The following FXR1 variants were observed in gnomAD, a reference collection of about 807,000 sequenced individuals.
FXR1 encodes RNA-binding protein FXR1.
A neutral mutation model predicts 84.0 loss-of-function variants in FXR1; 15 were observed. The observed-to-expected ratio is 0.18, with a 90% CI of 0.12 to 0.27. FXR1 has a LOEUF of 0.27. Among genes scored for constraint, FXR1 ranks in the 10% least tolerant of loss-of-function variants. The probability of loss-of-function intolerance (pLI) is 1.00; values close to 1 mark genes in which losing one functional copy is unlikely to be tolerated. For missense variants in FXR1, 480 were observed against 774.4 expected (o/e 0.62, Z 4.51); for synonymous variants, 245 against 250.7 (o/e 0.98, Z 0.21).
chr3:180,942,878 C>T (rs544805421), intron 3 of FXR1, among the ~76,000 whole-genome samples: 1 of 152,198 alleles, frequency 6.6e-6, no homozygotes, highest in South Asian at 2.1e-4. Flanking sequence ...TTAATGCTGG[C>T]TTATTGAAGT....
chr3:180,948,666 T>C, intron 5 of FXR1, 55 bp from the exon 6 acceptor site: 2 of 1,007,922 alleles, frequency 2.0e-6, no homozygotes, highest in Non-Finnish European at 3.1e-6. Context: ...ATTGTGACTC[T>C]CCTCTGACTT....
intron 1 of FXR1, among the ~76,000 whole-genome samples, chr3:180,917,804 A>G (rs1178214005): frequency 6.6e-6 from 1 of 151,870 alleles, no homozygotes; most frequent in African/African-American, 2.4e-5. Flanking sequence ...AAAATTAGCC[A>G]GGTGTGGTGG....
chr3:180,971,222 C>A, intron 15 of FXR1: 1 of 480,322 alleles, frequency 2.1e-6, no homozygotes, highest in Non-Finnish European at 3.4e-6. Flanking sequence ...TGTCTGCTTT[C>A]TAAATATATT....
At chr3:180,953,102 C>G (rs1722397666) in intron 8 of FXR1, among the ~76,000 whole-genome samples, 1 of 152,136 alleles carries the variant, frequency 6.6e-6, no homozygotes, top group Non-Finnish European at 1.5e-5. Flanking sequence ...ATTGGCCTCC[C>G]AAAGTGCAGG....
chr3:180,973,725 CTT>C (rs1399132554), intron 15 of FXR1, among the ~76,000 whole-genome samples: 1 of 152,126 alleles, frequency 6.6e-6, no homozygotes, highest in African/African-American at 2.4e-5. Flanking sequence ...TTTGAAACAT[CTT>C]TAGTGGTTTT....
In FXR1 at chr3:180,976,425, A is replaced by AG; in HGVS notation, c.*137dup. On this transcript the variant is annotated 3_prime_UTR_variant, in exon 17 of 17. Transcript: ENST00000357559. ...CAGTTCCTCCATTTGGAATTCAAAA[A>AG]GGGGAGGGATCCTGAAGAAATCATA... 1 of 588,212 alleles carries AG rather than the reference A, an allele frequency of 1.7e-6. No individual in the cohort carries two copies. Among genetic ancestry groups the AG allele is most frequent in the South Asian group, 2.7e-5 (1 of 37,130 alleles). The allele number at this position is 588,212 out of a possible 1,614,324, so 36.4% of individuals were successfully genotyped here. A position where few individuals can be genotyped will look rare whatever the true frequency, so the allele number is the denominator to read the frequency against.
chr3:180,951,314 C>A lies in FXR1; in HGVS notation c.647C>A (p.Ala216Glu). The change falls in exon 8 of 17, where the codon GCA becomes GAA. Residue 216 changes from alanine (A) to glutamate (E), a missense_variant. Ala to Glu is a moderately radical substitution (Grantham distance 107). Transcript: ENST00000357559. The stretch of plus-strand genomic sequence containing the variant: ...TTTTATTAGTGCACAAAACAACTTG[C>A]AGCAGCTTTTCATGAGGAATTTGTT... ...TKHLECTKQL[A>E]AAFHEEFVVR... is the part of the protein sequence containing the mutation. The A allele has an allele frequency of 6.2e-7, 1 of 1,602,372 alleles. No homozygotes were observed. The highest frequency in any genetic ancestry group is 8.5e-7 in the Non-Finnish European group (1 of 1,170,870).
In FXR1 at chr3:180,947,894, A is replaced by G. The variant is rs144304502; in HGVS notation, c.228A>G (p.Pro76=). 4 of 1,609,022 alleles carry G rather than the reference A, an allele frequency of 2.5e-6. No homozygotes were observed. The African/African-American group carries it at 4.0e-5, about 16-fold the overall frequency. ...EVYSRANDQE[P]CGWWLAKVRM... ...ATTCAAGAGCAAATGACCAAGAGCC[A>G]TGTGGGTGGTGGTTGGCTAAAGTTC... The change falls in exon 4 of 17, where the codon CCA becomes CCG. Residue 76 remains proline, a synonymous_variant. Transcript: ENST00000357559.
In FXR1 at chr3:180,977,773, T is replaced by C. The variant is rs546079536; in HGVS notation, c.*1481T>C. 7.2e-5 allele frequency: 11 copies of C among 152,228 alleles called. No homozygotes were observed. The East Asian group carries it at 2.1e-3, about 29-fold the overall frequency. 9.4% of individuals were successfully genotyped at this position (152,228 alleles called of 1,614,324 possible). A position where few individuals can be genotyped will look rare whatever the true frequency, so the allele number is the denominator to read the frequency against. On this transcript the variant is annotated 3_prime_UTR_variant, in exon 17 of 17. Coordinates refer to ENST00000357559, the MANE Select transcript of FXR1 (RefSeq NM_005087.4). ...TGTGTGCATAGTTTGTGTTAATTTT[T>C]TATGTGCATAAAAATGTGATTTTAA...
chr3:180,924,073 C>T (rs75562397), intron 1 of FXR1, among the ~76,000 whole-genome samples: 5,115 of 152,208 alleles, frequency 0.034, 124 homozygotes, highest in Middle Eastern at 0.11. Flanking sequence ...ATTCTCCTCC[C>T]TCAGGCTCCC....
intron 8 of FXR1, among the ~76,000 whole-genome samples, chr3:180,953,376 A>G (rs1343919116): frequency 6.6e-6 from 1 of 152,194 alleles, no homozygotes; most frequent in African/African-American, 2.4e-5. Context: ...GACAATTTTA[A>G]CAATTTGTAT....
chr3:180,926,476 C>G (rs1490758855), intron 1 of FXR1, among the ~76,000 whole-genome samples: 2 of 56,488 alleles, frequency 3.5e-5, no homozygotes, highest in African/African-American at 8.0e-5. Flanking sequence ...GGGGATTGTA[C>G]TGTATATATA....
intron 4 of FXR1, 134 bp from the exon 5 acceptor site, chr3:180,948,213 C>A: frequency 1.5e-6 from 1 of 666,066 alleles, no homozygotes; most frequent in Non-Finnish European, 2.6e-6. Context: ...ATTGATGTAG[C>A]TAAGCTGTGC....
chr3:180,956,226 T>C lies in FXR1; in HGVS notation c.881-1593T>C, dbSNP rs1441863447. Among the ~76,000 whole-genome samples, 3 of 152,214 alleles carry C rather than the reference T, an allele frequency of 2.0e-5. No homozygotes were observed. The East Asian group carries it at 5.8e-4, about 29-fold the overall frequency. ...AATCAAAGGGAAAAATATCTGAACGTTGATTTGAAAATGGTTCAAAACCTT... is the reference window on the plus strand; with the variant it reads ...AATCAAAGGGAAAAATATCTGAACGCTGATTTGAAAATGGTTCAAAACCTT... On this transcript the variant is annotated intron_variant, in intron 9 of 16. Coordinates refer to ENST00000357559, the MANE Select transcript of FXR1 (RefSeq NM_005087.4).
intron 7 of FXR1, among the ~76,000 whole-genome samples, chr3:180,950,191 C>T (rs1455336602): frequency 6.6e-6 from 1 of 152,174 alleles, no homozygotes; most frequent in Non-Finnish European, 1.5e-5. Context: ...TCTAGATGAA[C>T]ACATGTGCAT....
chr3:180,957,759 CTG>C, intron 9 of FXR1, 58 bp from the exon 10 acceptor site: 2 of 755,052 alleles, frequency 2.6e-6, no homozygotes, highest in South Asian at 3.4e-5. Context: ...GGGGCTGACA[CTG>C]AAAGAATAGC....
chr3:180,971,712 AAATT>A (rs565923940), intron 15 of FXR1: 414 of 148,836 alleles, frequency 2.8e-3, no homozygotes, highest in Non-Finnish European at 4.3e-3. Flanking sequence ...CTAACTATTC[AAATT>A]AATAATACTT....
At chr3:180,925,347 G>A (rs1341310456) in intron 1 of FXR1, among the ~76,000 whole-genome samples, 6 of 148,408 alleles carry the variant, frequency 4.0e-5, no homozygotes, top group African/African-American at 1.5e-4. Flanking sequence ...GCAACAGAGC[G>A]AGACTCCATC....
In FXR1 at chr3:180,924,106, G is replaced by A. The variant is rs557333949; in HGVS notation, c.52-9228G>A. Among the ~76,000 whole-genome samples, 4 of 152,218 alleles carry A rather than the reference G, an allele frequency of 2.6e-5. No homozygotes were observed. The South Asian group carries it at 8.3e-4, about 32-fold the overall frequency. On this transcript the variant is annotated intron_variant, in intron 1 of 16. Coordinates refer to ENST00000357559, the MANE Select transcript of FXR1 (RefSeq NM_005087.4). ...CCCAGGTAGCTGGGACTTCAGGTGT[G>A]TACCACCATGCCGAGCTAATTTTTG...
Sources: gnomAD v4.1 joint callset for allele counts (sites outside exome capture counted in the v4.1 genomes callset) on GRCh38, gnomAD v4.1.1 for gene constraint, MANE v1.5 for transcripts, NCBI Gene and HGNC (gene_info 2026-07-23, HGNC 2026-07-21) for gene names.